RBFOX3: variants seen among roughly 807,000 people sequenced by gnomAD.
RBFOX3 encodes the protein RNA binding fox-1 homolog 3.
RBFOX3 carries 17 observed loss-of-function variants against 48.7 expected under a neutral mutation model. The ratio of observed to expected loss-of-function variants is 0.35; its 90% CI spans 0.24 to 0.52. RBFOX3 has a LOEUF of 0.52. RBFOX3 is among the 20% of genes least tolerant of loss of function. The probability of loss-of-function intolerance (pLI) is 0.94; values close to 1 mark genes in which losing one functional copy is unlikely to be tolerated. For missense variants in RBFOX3, 382 were observed against 497.5 expected, an observed-to-expected ratio of 0.77 and a Z score of 2.21; for synonymous variants, 212 against 209.5, an observed-to-expected ratio of 1.01 and a Z score of -0.10.
chr17:79,316,804 A>G (rs9896854), intron 2 of RBFOX3, among the ~76,000 whole-genome samples: 141,942 of 152,334 alleles, frequency 0.93, 66,520 homozygotes, highest in Non-Finnish European at 0.99. Flanking sequence ...AGTTCATACC[A>G]TGCAATATTT....
rs781426003 is a variant in RBFOX3, at chr17:79,254,784, G to C, written c.-73-18979C>G. On this transcript the variant is annotated intron_variant, in intron 3 of 14. Transcript: ENST00000693108. The surrounding 1 kb of genome is among the most constrained non-coding windows in gnomAD (Gnocchi z 4.8). ...GGTGGACAGGTGCCTTATCTTGGCT[G>C]GGCATGAGAGGGGTCCCAGAATGTC... 1.2e-4 allele frequency among the ~76,000 whole-genome samples: 18 copies of C among 152,184 alleles called. No individual in the cohort carries two copies. The highest frequency in any genetic ancestry group is 1.5e-4 in the Non-Finnish European group (10 of 68,024).
Position 79,351,205 on chromosome 17 carries a change from G to A in RBFOX3, c.-174-43381C>T, listed in dbSNP as rs937000033. On this transcript the variant is annotated intron_variant, in intron 2 of 14. Transcript: ENST00000693108. ...CTTCTACGCTTTGGCTGCTGTGAAC[G>A]ATGCTGCTATGAACACCAGCACAAG... Among the ~76,000 whole-genome samples, 7 of 152,304 alleles carry A rather than the reference G, an allele frequency of 4.6e-5. No homozygotes were observed. The East Asian group carries it at 1.4e-3, about 29-fold the overall frequency.
the RBFOX3 span, among the ~76,000 whole-genome samples, chr17:79,638,226 G>A: frequency 2.8e-5 from 4 of 145,006 alleles, no homozygotes; most frequent in South Asian, 8.7e-4. Flanking sequence ...TAGAAGAAGG[G>A]AAATAATAAG....
At chr17:79,366,620 C>T (rs189268521) in intron 2 of RBFOX3, among the ~76,000 whole-genome samples, 82 of 152,320 alleles carry the variant, frequency 5.4e-4, no homozygotes, top group Middle Eastern at 3.4e-3. Flanking sequence ...ACCCTTCCAT[C>T]GTGCACAGTC....
At chr17:79,209,490 C>T (rs977493063) in intron 4 of RBFOX3, among the ~76,000 whole-genome samples, 3 of 152,200 alleles carry the variant, frequency 2.0e-5, no homozygotes, top group African/African-American at 7.2e-5. Flanking sequence ...TGGCCGGCAC[C>T]GCAGGTGTGG....
At chr17:79,101,022 C>T (rs993728851) in intron 9 of RBFOX3, among the ~76,000 whole-genome samples, 2 of 152,162 alleles carry the variant, frequency 1.3e-5, no homozygotes, top group African/African-American at 4.8e-5. Flanking sequence ...TGAGCACCTC[C>T]CCCCGGGCCC....
intron 4 of RBFOX3, among the ~76,000 whole-genome samples, chr17:79,176,590 T>C (rs1021947446): frequency 6.6e-6 from 1 of 152,210 alleles, no homozygotes; most frequent in African/African-American, 2.4e-5. Flanking sequence ...TCTCGAGTAA[T>C]GCGATTTGCA....
At chr17:79,251,009 A>G (rs895553673) in intron 3 of RBFOX3, among the ~76,000 whole-genome samples, 6 of 151,860 alleles carry the variant, frequency 4.0e-5, no homozygotes, top group African/African-American at 1.5e-4. Context: ...GGGTTTCACC[A>G]TGTTGGCCCG....
At chr17:79,571,849 G>C (rs2092688723) in intron 1 of RBFOX3, among the ~76,000 whole-genome samples, 1 of 152,162 alleles carries the variant, frequency 6.6e-6, no homozygotes, top group East Asian at 1.9e-4. Flanking sequence ...AGGAAGGCCT[G>C]TGGTGGCGAC....
At chr17:79,147,730 AGT>A (rs1243379743) in intron 4 of RBFOX3, among the ~76,000 whole-genome samples, 1 of 152,170 alleles carries the variant, frequency 6.6e-6, no homozygotes, top group Non-Finnish European at 1.5e-5. Context: ...GCCACCCACA[AGT>A]GTGTCCAGGC....
intron 4 of RBFOX3, among the ~76,000 whole-genome samples, chr17:79,202,260 C>T (rs753101254): frequency 6.1e-4 from 93 of 152,196 alleles, no homozygotes; most frequent in African/African-American, 1.9e-3. Context: ...CACAGCAAAA[C>T]GGGAGGAGCC....
intron 4 of RBFOX3, among the ~76,000 whole-genome samples, chr17:79,211,120 C>T (rs979537034): frequency 1.2e-4 from 19 of 152,154 alleles, no homozygotes; most frequent in African/African-American, 4.1e-4. Context: ...TTGGAGGTTC[C>T]AACACCTTCT....
intron 4 of RBFOX3, among the ~76,000 whole-genome samples, chr17:79,171,333 C>G (rs1178971987): frequency 6.6e-6 from 1 of 152,230 alleles, no homozygotes; most frequent in Admixed American, 6.5e-5. Flanking sequence ...ACGCTGCCAT[C>G]TGCGGACAGG....
At chr17:79,334,826 G>A (rs1192878721) in intron 2 of RBFOX3, among the ~76,000 whole-genome samples, 3 of 152,172 alleles carry the variant, frequency 2.0e-5, no homozygotes, top group African/African-American at 2.4e-5. Flanking sequence ...AAACCACATC[G>A]AGCTGTGCCT....
Position 79,311,120 on chromosome 17 carries a change from G to C in RBFOX3, c.-174-3296C>G, listed in dbSNP as rs2076791748. Among the ~76,000 whole-genome samples the C allele has an allele frequency of 6.6e-6, 1 of 152,170 alleles. No individual in the cohort carries two copies. Among genetic ancestry groups the C allele is most frequent in the African/African-American group, 2.4e-5 (1 of 41,438 alleles). Reference sequence around the variant, plus strand: ...AACAGCAAAAACTAAGGTTCCCTGGGGAAAACATTCTGCCTCAAGACCGCA... The same window carrying C: ...AACAGCAAAAACTAAGGTTCCCTGGCGAAAACATTCTGCCTCAAGACCGCA... On this transcript the variant is annotated intron_variant, in intron 2 of 14. Transcript: ENST00000693108. This position sits in a 1 kb window ranked among gnomAD's most constrained non-coding sequence, Gnocchi z 4.2.
intron 1 of RBFOX3, among the ~76,000 whole-genome samples, chr17:79,522,047 G>A (rs1190636256): frequency 6.6e-6 from 1 of 152,182 alleles, no homozygotes; most frequent in African/African-American, 2.4e-5. Flanking sequence ...TCTTGGACCA[G>A]TGCAGGCCAC....
At chr17:79,596,204 G>A (rs1031384095) in intron 1 of RBFOX3, among the ~76,000 whole-genome samples, 3 of 152,168 alleles carry the variant, frequency 2.0e-5, no homozygotes, top group Non-Finnish European at 4.4e-5. Context: ...AATTGCACAC[G>A]CTCCAAGGTT....
chr17:79,264,258 TAG>T (rs1180032398), intron 3 of RBFOX3, among the ~76,000 whole-genome samples: 1 of 151,888 alleles, frequency 6.6e-6, no homozygotes, highest in Non-Finnish European at 1.5e-5. Context: ...GTATTTTTAG[TAG>T]AGACAGGATT....
At chr17:79,356,371 T>TGTTTTTG (rs1476311994) in intron 2 of RBFOX3, among the ~76,000 whole-genome samples, 39 of 116,180 alleles carry the variant, frequency 3.4e-4, no homozygotes, top group Non-Finnish European at 4.2e-4. Flanking sequence ...TTTTTTTTTT[T>TGTTTTTG]TTTTTTTTTT....
Sources: allele counts gnomAD v4.1 joint callset (sites outside exome capture counted in the v4.1 genomes callset), GRCh38; gene constraint gnomAD v4.1.1; non-coding constraint Gnocchi (gnomAD v3.1); transcripts MANE v1.5; gene names NCBI Gene and HGNC (gene_info 2026-07-23, HGNC 2026-07-21).